The following RHOU variants were observed in gnomAD, a reference collection of about 807,000 sequenced individuals.
RHOU encodes the protein rho-related GTP-binding protein RhoU.
In RHOU, 8 loss-of-function variants were observed where a neutral mutation model predicts 12.6. That is an observed-to-expected ratio of 0.64 (90% CI 0.37 to 1.15). RHOU has a LOEUF of 1.15. RHOU is among the 50% of genes most tolerant of loss of function. The pLI, the probability that RHOU is intolerant of heterozygous loss-of-function variation, is 0.01. For missense variants in RHOU, 258 were observed against 347.0 expected, an observed-to-expected ratio of 0.74 and a Z score of 2.04; for synonymous variants, 161 against 147.4, an observed-to-expected ratio of 1.09 and a Z score of -0.67.
chr1:228,723,337 A>G, the RHOU span, among the ~76,000 whole-genome samples: 4 of 152,348 alleles, frequency 2.6e-5, no homozygotes, highest in African/African-American at 9.6e-5. Flanking sequence ...GAAACCAGCC[A>G]GGTATATACA....
At chr1:228,678,624 C>T in the RHOU span, among the ~76,000 whole-genome samples, 6 of 152,082 alleles carry the variant, frequency 3.9e-5, no homozygotes, top group African/African-American at 1.4e-4. Context: ...GCCCATAAAA[C>T]AGCATGGTGG....
At chr1:228,702,811 A>G in the RHOU span, among the ~76,000 whole-genome samples, 1 of 152,228 alleles carries the variant, frequency 6.6e-6, no homozygotes, top group Non-Finnish European at 1.5e-5. Context: ...ACATATAGAC[A>G]CAAGCAGGTC....
the RHOU span, among the ~76,000 whole-genome samples, chr1:228,677,462 G>T: frequency 1.3e-5 from 2 of 151,990 alleles, no homozygotes; most frequent in Non-Finnish European, 2.9e-5. Context: ...GATTGATTTA[G>T]GTAAAAACAA....
the RHOU span, among the ~76,000 whole-genome samples, chr1:228,723,141 G>A: frequency 1.3e-5 from 2 of 151,836 alleles, no homozygotes; most frequent in African/African-American, 4.9e-5. Flanking sequence ...ATACCACTCC[G>A]ATGAGTGGAG....
the RHOU span, among the ~76,000 whole-genome samples, chr1:228,693,836 T>C: frequency 5.8e-4 from 89 of 152,368 alleles, 1 homozygote; most frequent in Non-Finnish European, 1.1e-3. Context: ...AAGTTAACAT[T>C]AACTATTAAC....
chr1:228,705,295 T>C, the RHOU span, among the ~76,000 whole-genome samples: 1 of 152,212 alleles, frequency 6.6e-6, no homozygotes, highest in South Asian at 2.1e-4. Flanking sequence ...TGTTCCACTG[T>C]AATTTTAAAT....
the RHOU span, among the ~76,000 whole-genome samples, chr1:228,708,886 C>T: frequency 1.3e-4 from 20 of 152,166 alleles, no homozygotes; most frequent in African/African-American, 4.3e-4. Flanking sequence ...GAGTCAAGAC[C>T]CATCAGTGTG....
At chr1:228,663,001 A>G in the RHOU span, among the ~76,000 whole-genome samples, 1 of 152,206 alleles carries the variant, frequency 6.6e-6, no homozygotes, top group African/African-American at 2.4e-5. Flanking sequence ...AGAGGTCCAC[A>G]ACTACAGATT....
chr1:228,666,327 C>T, the RHOU span, among the ~76,000 whole-genome samples: 1 of 152,106 alleles, frequency 6.6e-6, no homozygotes, highest in Non-Finnish European at 1.5e-5. Flanking sequence ...TGTACATAGT[C>T]ATGAGGTACC....
the RHOU span, among the ~76,000 whole-genome samples, chr1:228,713,231 C>T: frequency 6.6e-6 from 1 of 152,114 alleles, no homozygotes; most frequent in African/African-American, 2.4e-5. Flanking sequence ...GGATTTTCAG[C>T]CCCACTGCCC....
chr1:228,726,297 T>G, the RHOU span, among the ~76,000 whole-genome samples: 1 of 152,188 alleles, frequency 6.6e-6, no homozygotes, highest in East Asian at 1.9e-4. Context: ...ACAAACTTCT[T>G]AAAACAACTT....
the RHOU span, among the ~76,000 whole-genome samples, chr1:228,657,483 C>A: frequency 6.6e-6 from 1 of 152,048 alleles, no homozygotes; most frequent in East Asian, 1.9e-4. Flanking sequence ...GATAATGTAA[C>A]AATTGTAAAC....
chr1:228,687,768 G>A, the RHOU span: 8 of 1,377,052 alleles, frequency 5.8e-6, no homozygotes, highest in African/African-American at 5.7e-5. Context: ...GCCCGAATCT[G>A]GCTCGGCGGA....
At chr1:228,736,260 CAA>C (rs1204392489) in intron 1 of RHOU, among the ~76,000 whole-genome samples, 13 of 70,908 alleles carry the variant, frequency 1.8e-4, no homozygotes, top group East Asian at 5.2e-4. Flanking sequence ...AGAGCCTTGC[CAA>C]AAAAAAAAAA....
At chr1:228,656,083 T>C in the RHOU span, among the ~76,000 whole-genome samples, 6 of 152,232 alleles carry the variant, frequency 3.9e-5, no homozygotes, top group African/African-American at 1.4e-4. Flanking sequence ...CATTTTTCCT[T>C]AAAAAACTCC....
At chr1:228,719,481 G>A in the RHOU span, among the ~76,000 whole-genome samples, 53 of 152,288 alleles carry the variant, frequency 3.5e-4, no homozygotes, top group African/African-American at 1.1e-3. Flanking sequence ...TGTAGTCCCC[G>A]CACTTTGGAA....
chr1:228,725,546 G>A, the RHOU span, among the ~76,000 whole-genome samples: 2 of 152,206 alleles, frequency 1.3e-5, no homozygotes, highest in Non-Finnish European at 2.9e-5. Flanking sequence ...AAGGCTGTGA[G>A]AGTGCCAAAG....
the RHOU span, among the ~76,000 whole-genome samples, chr1:228,675,007 G>A: frequency 6.6e-6 from 1 of 152,158 alleles, no homozygotes; most frequent in African/African-American, 2.4e-5. Flanking sequence ...GGGATTACAG[G>A]CGTGAGCCAC....
At chr1:228,701,369 A>C in the RHOU span, among the ~76,000 whole-genome samples, 3 of 152,230 alleles carry the variant, frequency 2.0e-5, no homozygotes, top group Non-Finnish European at 4.4e-5. Flanking sequence ...CAGTCTTCCC[A>C]AAGATTAAAA....
Sources: gnomAD v4.1 joint callset for allele counts (sites outside exome capture counted in the v4.1 genomes callset) on GRCh38, gnomAD v4.1.1 for gene constraint, MANE v1.5 for transcripts, NCBI Gene and HGNC (gene_info 2026-07-23, HGNC 2026-07-21) for gene names.